TUBD1: variants seen among roughly 807,000 people sequenced by gnomAD.
TUBD1 encodes the protein tubulin delta chain.
A neutral mutation model predicts 51.2 loss-of-function variants in TUBD1; 38 were observed. The observed-to-expected ratio is 0.74, with a 90% CI of 0.57 to 0.97. The LOEUF (loss-of-function observed/expected upper bound fraction) is 0.97. Ranked by LOEUF, TUBD1 falls within the 50% of genes least tolerant of loss-of-function variation. The pLI is 0.00. For missense variants in TUBD1, 489 were observed against 538.4 expected, an observed-to-expected ratio of 0.91 and a Z score of 0.91; for synonymous variants, 169 against 178.2, an observed-to-expected ratio of 0.95 and a Z score of 0.41.
intron 6 of TUBD1, among the ~76,000 whole-genome samples, chr17:59,872,731 T>G (rs2040049024): frequency 7.2e-6 from 1 of 139,636 alleles, no homozygotes; most frequent in Non-Finnish European, 1.6e-5. Context: ...TGTGTGTGTC[T>G]GTGTGTGTAG....
At chr17:59,886,630 A>T (rs2040746431) in intron 2 of TUBD1, 1 of 102,348 alleles carries the variant, frequency 9.8e-6, no homozygotes, top group Non-Finnish European at 2.0e-5. Context: ...ATTCTGTCTC[A>T]AAAAAAAAAA....
At position 59,866,676 on chromosome 17, in the gene TUBD1, C is replaced by A; in HGVS notation, c.1008G>T (p.Leu336=). 1 of 1,614,066 alleles carries A rather than the reference C, an allele frequency of 6.2e-7. No individual in the cohort carries two copies. Among genetic ancestry groups the A allele is most frequent in the Non-Finnish European group, 8.5e-7 (1 of 1,180,004 alleles). The change falls in exon 7 of 9, where the codon CTG becomes CTT. Residue 336 remains leucine (L), a synonymous_variant. Transcript: ENST00000325752. ...AGTTAGCAATGGAAGTGTTAAAATG[C>A]AGGTCCTTGTTGAGAGACATTTTAC... The part of the protein sequence containing the change: ...PLSKMSLNKD[L]HFNTSIANLV...
chr17:59,885,169 T>C (rs765347855), intron 3 of TUBD1: 114 of 389,300 alleles, frequency 2.9e-4, no homozygotes, highest in Non-Finnish European at 4.2e-4. Context: ...GCCACTGCCC[T>C]CAAGAAGTAT....
Position 59,892,783 on chromosome 17 carries a change from C to CAGTAA in TUBD1, c.-127_-126insTTACT. On this transcript the variant is annotated 5_prime_UTR_variant, in exon 1 of 9. An upstream open reading frame in the 5' UTR loses its in-frame stop. Transcript: ENST00000325752. ...GCATGCTCACTTTCAAAACGAAAAA[C>CAGTAA]TTACTGAGAACAAATGCGCATGTTC... 5.9e-6 allele frequency: 1 copy of CAGTAA among 170,088 alleles called. No individual in the cohort carries two copies. Among genetic ancestry groups the CAGTAA allele is most frequent in the South Asian group, 1.3e-4 (1 of 7,852 alleles). The allele number at this position is 170,088 out of a possible 1,614,324, so 10.5% of individuals were successfully genotyped here. A position where few individuals can be genotyped will look rare whatever the true frequency, so the allele number is the denominator to read the frequency against.
intron 5 of TUBD1, among the ~76,000 whole-genome samples, chr17:59,875,094 T>G (rs1241091144): frequency 2.6e-5 from 3 of 115,544 alleles, no homozygotes; most frequent in South Asian, 2.9e-4. Flanking sequence ...TTTTTTTTTT[T>G]GGGATGGAGT....
chr17:59,869,633 A>G (rs953120559), intron 6 of TUBD1, among the ~76,000 whole-genome samples: 1 of 152,146 alleles, frequency 6.6e-6, no homozygotes. Context: ...ATTAACAGGT[A>G]TTGCTCGAAA....
chr17:59,876,627 G>A (rs2040238209), intron 5 of TUBD1, among the ~76,000 whole-genome samples: 1 of 152,000 alleles, frequency 6.6e-6, no homozygotes, highest in African/African-American at 2.4e-5. Context: ...AAAGTGCTGG[G>A]ATTACAGGCA....
chr17:59,868,565 T>C (rs1305631555), intron 6 of TUBD1, among the ~76,000 whole-genome samples: 2 of 151,404 alleles, frequency 1.3e-5, no homozygotes, highest in East Asian at 1.9e-4. Context: ...TTAGGCCAGG[T>C]GCAGTGGCTC....
chr17:59,862,941 G>T (rs957061662), intron 8 of TUBD1, among the ~76,000 whole-genome samples: 2 of 151,736 alleles, frequency 1.3e-5, no homozygotes, highest in South Asian at 2.1e-4. Context: ...AGCCAGGATG[G>T]TCTTGAAATC....
chr17:59,863,107 T>C (rs1425231908), intron 8 of TUBD1, among the ~76,000 whole-genome samples: 1 of 152,160 alleles, frequency 6.6e-6, no homozygotes, highest in Non-Finnish European at 1.5e-5. Flanking sequence ...TTACTGAGCA[T>C]TTACTAGCCA....
intron 6 of TUBD1, among the ~76,000 whole-genome samples, chr17:59,869,980 G>A (rs2039903053): frequency 6.6e-6 from 1 of 152,044 alleles, no homozygotes; most frequent in Non-Finnish European, 1.5e-5. Flanking sequence ...TGGAGCTGGA[G>A]AGCAAATGGT....
chr17:59,878,025 G>A (rs1484961390), intron 5 of TUBD1, 78 bp downstream of exon 5: 5 of 1,118,476 alleles, frequency 4.5e-6, no homozygotes, highest in South Asian at 1.5e-5. Flanking sequence ...TCAGGCAGAG[G>A]AGGAGACAGA....
chr17:59,881,055 C>G lies in TUBD1; in HGVS notation c.376G>C (p.Glu126Gln), dbSNP rs1427133842. The G allele has an allele frequency of 3.1e-6, 5 of 1,614,166 alleles. No individual in the cohort carries two copies. Among genetic ancestry groups the G allele is most frequent in the Non-Finnish European group, 2.5e-6 (3 of 1,180,040 alleles). ...CTGAAAGAGTCACATTTCTCCACTT[C>G]CTTCCGGATTATGTTCATTATAGAT... is the stretch of plus-strand genomic sequence containing the variant. ...EESIMNIIRK[E>Q]VEKCDSFSGF... Residue 126 changes from glutamate to glutamine, a missense_variant, in exon 4 of 9, where the codon GAA becomes CAA. Coordinates refer to ENST00000325752, the MANE Select transcript of TUBD1 (RefSeq NM_016261.4).
chr17:59,868,453 T>A (rs190847082), intron 6 of TUBD1, among the ~76,000 whole-genome samples: 37 of 152,136 alleles, frequency 2.4e-4, no homozygotes, highest in Non-Finnish European at 4.9e-4. Context: ...CCCAGCACTT[T>A]GAGAGGCTGA....
At chr17:59,864,498 C>T (rs1427846630) in intron 7 of TUBD1, among the ~76,000 whole-genome samples, 1 of 151,716 alleles carries the variant, frequency 6.6e-6, no homozygotes, top group Non-Finnish European at 1.5e-5. Flanking sequence ...TAATATACTG[C>T]CAGTTTTGTT....
intron 5 of TUBD1, among the ~76,000 whole-genome samples, chr17:59,877,223 A>C (rs1226221117): frequency 6.6e-6 from 1 of 152,128 alleles, no homozygotes; most frequent in Non-Finnish European, 1.5e-5. Context: ...TCAATCAATC[A>C]GTCTTCCTCT....
At chr17:59,868,999 A>G (rs1479992403) in intron 6 of TUBD1, among the ~76,000 whole-genome samples, 1 of 151,890 alleles carries the variant, frequency 6.6e-6, no homozygotes, top group African/African-American at 2.4e-5. Flanking sequence ...CCTACGTGAC[A>G]GAGTGAAACC....
At chr17:59,860,550 G>T in intron 8 of TUBD1, 126 bp from the exon 9 acceptor site, 2 of 627,602 alleles carry the variant, frequency 3.2e-6, no homozygotes, top group East Asian at 2.8e-5. Context: ...TCGTTCAGAA[G>T]TCTTACATTT....
chr17:59,887,370 A>C (rs1339840500), intron 2 of TUBD1, among the ~76,000 whole-genome samples: 2 of 138,432 alleles, frequency 1.4e-5, no homozygotes, highest in Admixed American at 7.1e-5. Flanking sequence ...ACTCTGTCTC[A>C]AAAAAAAAAA....
Sources: gnomAD v4.1 joint callset for allele counts (sites outside exome capture counted in the v4.1 genomes callset) on GRCh38, gnomAD v4.1.1 for gene constraint, MANE v1.5 for transcripts, NCBI Gene and HGNC (gene_info 2026-07-23, HGNC 2026-07-21) for gene names.